The following LPCAT4 variants were observed in gnomAD, a reference collection of about 807,000 sequenced individuals.
LPCAT4 encodes the protein lysophospholipid acyltransferase LPCAT4.
LPCAT4 carries 30 observed loss-of-function variants against 66.5 expected under a neutral mutation model. The ratio of observed to expected loss-of-function variants is 0.45; its 90% CI spans 0.34 to 0.61. The LOEUF is 0.61. LPCAT4 is among the 20% of genes least tolerant of loss of function. The pLI is 0.01. For synonymous variants in LPCAT4, 253 were observed against 262.1 expected, an observed-to-expected ratio of 0.97 and a Z score of 0.34; for missense variants, 557 against 656.7, an observed-to-expected ratio of 0.85 and a Z score of 1.66.
chr15:34,363,322 A>C lies in LPCAT4; in HGVS notation c.746+100T>G. On this transcript the variant is annotated intron_variant, in intron 7 of 13. Transcript: ENST00000314891. This position sits in a 1 kb window ranked among gnomAD's most constrained non-coding sequence, Gnocchi z 4.3. ...CTAGAGTTCTCTCAGTCCTCAGATG[A>C]AGAAGGGCCATTCACCTTGTCGGGA... 1.6e-6 allele frequency: 2 copies of C among 1,282,404 alleles called. No homozygotes were observed. Among genetic ancestry groups the C allele is most frequent in the Non-Finnish European group, 2.2e-6 (2 of 905,510 alleles). The allele number at this position is 1,282,404 out of a possible 1,614,324, so 79.4% of individuals were successfully genotyped here.
Position 34,361,438 on chromosome 15 carries a change from G to A in LPCAT4, c.1105C>T (p.Pro369Ser). ...CCAAAGGCACCAGCCACCGTCTGAG[G>A]ATCAGAGAGCTGTAGCTGCCTGGCA... ...EFARQLQLSDPQTVAGAFGYF... is the reference protein window; with the variant it reads ...EFARQLQLSDSQTVAGAFGYF... The change falls in exon 11 of 14, where the codon CCT (proline) becomes TCT (serine). Residue 369 changes from proline to serine, a missense_variant. By Grantham distance (74) the Pro-to-Ser change is moderately conservative. Transcript: ENST00000314891. 2 of 1,614,186 alleles carry A rather than the reference G, an allele frequency of 1.2e-6. No individual in the cohort carries two copies. Among genetic ancestry groups the A allele is most frequent in the Non-Finnish European group, 1.7e-6 (2 of 1,180,028 alleles).
intron 3 of LPCAT4, 191 bp from the exon 4 acceptor site, chr15:34,364,497 C>T: frequency 2.0e-6 from 1 of 498,766 alleles, no homozygotes; most frequent in South Asian, 2.5e-5. Flanking sequence ...GATCTCAGCT[C>T]ACCGCAAACT....
chr15:34,364,436 T>G, intron 3 of LPCAT4, 130 bp from the exon 4 acceptor site: 1 of 624,202 alleles, frequency 1.6e-6, no homozygotes. Flanking sequence ...CTGTTGTTGT[T>G]GTTTGAGACA....
chr15:34,366,342 G>T (rs1891075373), intron 1 of LPCAT4, among the ~76,000 whole-genome samples: 1 of 152,170 alleles, frequency 6.6e-6, no homozygotes, highest in African/African-American at 2.4e-5. Flanking sequence ...CTAGCCCCTG[G>T]AGCCTGCCTC....
chr15:34,365,017 C>T lies in LPCAT4; in HGVS notation c.469G>A (p.Val157Ile). ...VSRAENLSVP[V>I]IGALLRFNQA... ...CTTTGAACTCTCTCACCTCCAATGACAGGAACGGAAAGGTTCTCAGCTCGG... is the reference window on the plus strand; with the variant it reads ...CTTTGAACTCTCTCACCTCCAATGATAGGAACGGAAAGGTTCTCAGCTCGG... Residue 157 changes from valine to isoleucine, a missense_variant, in exon 3 of 14, where the codon GTC becomes ATC. Around this residue, in one of 4 missense-constraint regions of LPCAT4, gnomAD observed 392 missense variants for 473.9 expected, o/e 0.83. Coordinates refer to ENST00000314891, the MANE Select transcript of LPCAT4 (RefSeq NM_153613.3). The T allele has an allele frequency of 1.2e-6, 2 of 1,608,954 alleles. No individual in the cohort carries two copies. Among genetic ancestry groups the T allele is most frequent in the Non-Finnish European group, 1.7e-6 (2 of 1,175,680 alleles).
At position 34,362,390 on chromosome 15, in the gene LPCAT4, C is replaced by A; in HGVS notation, c.885-69G>T. 4 of 1,590,948 alleles carry A rather than the reference C, an allele frequency of 2.5e-6. No homozygotes were observed. In the South Asian group the frequency reaches 3.3e-5, roughly 13 times the overall value. On this transcript the variant is annotated intron_variant, in intron 9 of 13. Transcript: ENST00000314891. Reference sequence around the variant, plus strand: ...GAAACTTCTGAGGGTTGGTTCCTGACCCTGGCCCGCTGACTGGAGTAGATC... The same window carrying A: ...GAAACTTCTGAGGGTTGGTTCCTGAACCTGGCCCGCTGACTGGAGTAGATC...
chr15:34,360,022 G>T, intron 12 of LPCAT4, 89 bp downstream of exon 12: 1 of 1,098,686 alleles, frequency 9.1e-7, no homozygotes, highest in Non-Finnish European at 1.4e-6. Context: ...GTATCTAGAA[G>T]CTACTGGAAA....
intron 12 of LPCAT4, 166 bp from the exon 13 acceptor site, chr15:34,359,911 C>T (rs762703482): frequency 2.8e-4 from 228 of 800,692 alleles, no homozygotes; most frequent in Middle Eastern, 3.7e-4. Flanking sequence ...ATAGCTTTTT[C>T]CTTCTTCTTC....
chr15:34,364,822 C>T (rs1891037622), intron 3 of LPCAT4, 186 bp downstream of exon 3: 2 of 597,210 alleles, frequency 3.3e-6, no homozygotes, highest in African/African-American at 1.9e-5. Flanking sequence ...AGAACTCCCT[C>T]CAACACCTTC....
Position 34,359,071 on chromosome 15 carries a change from C to T in LPCAT4, c.*56G>A. 6.9e-7 allele frequency: 1 copy of T among 1,440,686 alleles called. No individual in the cohort carries two copies. The highest frequency in any genetic ancestry group is 2.5e-5 in the East Asian group (1 of 39,546). 89.2% of individuals were successfully genotyped at this position (1,440,686 alleles called of 1,614,324 possible). A position where few individuals can be genotyped will look rare whatever the true frequency, so the allele number is the denominator to read the frequency against. ...AACAGGAGCAGAGATGGGGCTGAGG[C>T]ATAGGGGAGGCCCCTAGCGCTGCCC... On this transcript the variant is annotated 3_prime_UTR_variant, in exon 14 of 14. Coordinates refer to ENST00000314891, the MANE Select transcript of LPCAT4 (RefSeq NM_153613.3).
chr15:34,366,248 C>T (rs1891073625), intron 1 of LPCAT4, among the ~76,000 whole-genome samples: 1 of 152,198 alleles, frequency 6.6e-6, no homozygotes, highest in Non-Finnish European at 1.5e-5. Context: ...GACAAGAGCT[C>T]GGCCCCACTC....
intron 10 of LPCAT4, among the ~76,000 whole-genome samples, 190 bp from the exon 11 acceptor site, chr15:34,361,722 C>T (rs531726838): frequency 4.6e-5 from 7 of 151,576 alleles, no homozygotes; most frequent in African/African-American, 7.3e-5. Context: ...TTTTTTTTGA[C>T]GGAGTCTTGC....
At chr15:34,366,581 C>CT (rs1402383577) in intron 1 of LPCAT4, among the ~76,000 whole-genome samples, 2 of 152,050 alleles carry the variant, frequency 1.3e-5, no homozygotes, top group African/African-American at 4.8e-5. Flanking sequence ...CGTCTTCCCT[C>CT]TAAGTCATGC....
intron 1 of LPCAT4, among the ~76,000 whole-genome samples, chr15:34,366,406 C>T (rs1220851846): frequency 6.6e-6 from 1 of 152,074 alleles, no homozygotes; most frequent in African/African-American, 2.4e-5. Flanking sequence ...CACCACCTCC[C>T]AGCTCCCCTA....
In LPCAT4 at chr15:34,359,153, G is replaced by C; in HGVS notation, c.1549C>G (p.Gln517Glu). The C allele has an allele frequency of 6.2e-7, 1 of 1,606,564 alleles. No individual in the cohort carries two copies. Among genetic ancestry groups the C allele is most frequent in the Non-Finnish European group, 8.5e-7 (1 of 1,177,264 alleles). ...CAGTCTCCCTTCTGCTTGGGTGCTTGCACAGTCCCATTGGCCAGAGCAGTG... is the reference window on the plus strand; with the variant it reads ...CAGTCTCCCTTCTGCTTGGGTGCTTCCACAGTCCCATTGGCCAGAGCAGTG... ...NPTALANGTV[Q>E]APKQKGD is the part of the protein sequence containing the mutation. Residue 517 changes from glutamine to glutamate, a missense_variant, in exon 14 of 14, where the codon CAA (glutamine) becomes GAA (glutamate). This residue lies in a region of LPCAT4 where 392 missense variants were observed against 473.9 expected (regional missense o/e 0.83). Coordinates refer to ENST00000314891, the MANE Select transcript of LPCAT4 (RefSeq NM_153613.3).
intron 12 of LPCAT4, 31 bp from the exon 13 acceptor site, chr15:34,359,776 C>G (rs370146993): frequency 3.2e-6 from 5 of 1,586,336 alleles, no homozygotes; most frequent in Admixed American, 3.6e-5. Context: ...GAGTCAAGTT[C>G]TCTCCTCATG....
At position 34,363,530 on chromosome 15, in the gene LPCAT4, A is replaced by G; in HGVS notation, c.712-74T>C. The G allele has an allele frequency of 6.2e-7, 1 of 1,604,656 alleles. No homozygotes were observed. Among genetic ancestry groups the G allele is most frequent in the Non-Finnish European group, 8.5e-7 (1 of 1,172,066 alleles). ...TGGAACTGGCCAATCACCTTTGAACAGAGGGCCTGATCCCACCTCTGGTCA... is the reference window on the plus strand; with the variant it reads ...TGGAACTGGCCAATCACCTTTGAACGGAGGGCCTGATCCCACCTCTGGTCA... On this transcript the variant is annotated intron_variant, in intron 6 of 13. Coordinates refer to ENST00000314891, the MANE Select transcript of LPCAT4 (RefSeq NM_153613.3). The surrounding 1 kb of genome is among the most constrained non-coding windows in gnomAD (Gnocchi z 4.3).
rs1391033762 is a variant in LPCAT4 at position 34,363,071 on chromosome 15, A to ATATGCTGCAT, written c.747-236_747-235insATGCAGCATA. Among the ~76,000 whole-genome samples, 5 of 152,232 alleles carry ATATGCTGCAT rather than the reference A, an allele frequency of 3.3e-5. No homozygotes were observed. The highest frequency in any genetic ancestry group is 7.4e-5 in the Non-Finnish European group (5 of 68,002). On this transcript the variant is annotated intron_variant, in intron 7 of 13. Transcript: ENST00000314891. This position sits in a 1 kb window ranked among gnomAD's most constrained non-coding sequence, Gnocchi z 4.3. Reference sequence around the variant, plus strand: ...GAGCAGAGCTGCATGGATATGCCAGAGGAAGAACTGTAGGCAAGAGGAGGT... The same window carrying ATATGCTGCAT: ...GAGCAGAGCTGCATGGATATGCCAGATATGCTGCATGGAAGAACTGTAGGCAAGAGGAGGT...
chr15:34,359,477 G>T, intron 13 of LPCAT4, 112 bp downstream of exon 13: 1 of 1,410,112 alleles, frequency 7.1e-7, no homozygotes, highest in Non-Finnish European at 9.5e-7. Flanking sequence ...CTTCTCATAG[G>T]TTCTGATCTC....
Sources: allele counts gnomAD v4.1 joint callset (sites outside exome capture counted in the v4.1 genomes callset), GRCh38; gene constraint gnomAD v4.1.1; regional missense constraint gnomAD v4.1.1; non-coding constraint Gnocchi (gnomAD v3.1); transcripts MANE v1.5; gene names NCBI Gene and HGNC (gene_info 2026-07-23, HGNC 2026-07-21).